The following EDC3 variants were observed in gnomAD, a reference collection of about 807,000 sequenced individuals.
The protein encoded by EDC3 is enhancer of mRNA decapping 3.
In EDC3, 20 loss-of-function variants were observed where a neutral mutation model predicts 41.8. The ratio of observed to expected loss-of-function variants is 0.48; its 90% CI spans 0.34 to 0.70. The LOEUF (loss-of-function observed/expected upper bound fraction) is 0.70. Among genes scored for constraint, EDC3 ranks in the 30% least tolerant of loss-of-function variants. The pLI is 0.01. For missense variants in EDC3, 444 were observed against 636.8 expected, an observed-to-expected ratio of 0.70 and a Z score of 3.26; for synonymous variants, 206 against 243.2, an observed-to-expected ratio of 0.85 and a Z score of 1.42.
At position 74,683,047 on chromosome 15, in the gene EDC3, C is replaced by G. The variant is rs1386348476; in HGVS notation, c.-18-7905G>C. Among the ~76,000 whole-genome samples, 4 of 151,976 alleles carry G rather than the reference C, an allele frequency of 2.6e-5. No homozygotes were observed. The East Asian group carries it at 7.7e-4, about 29-fold the overall frequency. On this transcript the variant is annotated intron_variant, in intron 1 of 6. Coordinates refer to ENST00000315127, the MANE Select transcript of EDC3 (RefSeq NM_025083.5). ...CAGAAAAAAAATAAAATAAAATACCCTGTACACAAGTGTTTATATCACATT... is the reference window on the plus strand; with the variant it reads ...CAGAAAAAAAATAAAATAAAATACCGTGTACACAAGTGTTTATATCACATT...
rs1288034505 is a variant in EDC3 at position 74,655,995 on chromosome 15, A to G, written c.558T>C (p.Asn186=). 6.2e-7 allele frequency: 1 copy of G among 1,613,870 alleles called. No individual in the cohort carries two copies. The highest frequency in any genetic ancestry group is 2.2e-5 in the East Asian group (1 of 44,882). ...KSGLKNGQMK[N]KDDECFGDDI... is the part of the protein sequence containing the mutation. ...CATCCCCGAAGCACTCGTCATCTTT[A>G]TTCTTCATCTGGCCATTCTTTAAAC... Residue 186 remains asparagine (N), a synonymous_variant, in exon 4 of 7, where the codon AAT becomes AAC. Coordinates refer to ENST00000315127, the MANE Select transcript of EDC3 (RefSeq NM_025083.5).
At chr15:74,660,928 G>A (rs192562283) in intron 3 of EDC3, among the ~76,000 whole-genome samples, 1 of 152,196 alleles carries the variant, frequency 6.6e-6, no homozygotes, top group Admixed American at 6.5e-5. Flanking sequence ...TCCATAACAA[G>A]AAGTCTATCC....
In EDC3 at chr15:74,671,379, T is replaced by TAAC; in HGVS notation, c.484+75_484+76insGTT. 1 of 1,456,454 alleles carries TAAC rather than the reference T, an allele frequency of 6.9e-7. No homozygotes were observed. Among genetic ancestry groups the TAAC allele is most frequent in the Non-Finnish European group, 9.3e-7 (1 of 1,071,736 alleles). 90.2% of individuals were successfully genotyped at this position (1,456,454 alleles called of 1,614,324 possible). A position where few individuals can be genotyped will look rare whatever the true frequency, so the allele number is the denominator to read the frequency against. ...TTATTGGAATAACAAAGGATTTGTTTAAAGAGCAGCAGTGCTTATGGCTTA... is the reference window on the plus strand; with the variant it reads ...TTATTGGAATAACAAAGGATTTGTTTAACAAAGAGCAGCAGTGCTTATGGCTTA... On this transcript the variant is annotated intron_variant, in intron 3 of 6. Coordinates refer to ENST00000315127, the MANE Select transcript of EDC3 (RefSeq NM_025083.5). The surrounding 1 kb of genome is among the most constrained non-coding windows in gnomAD (Gnocchi z 4.6).
intron 4 of EDC3, among the ~76,000 whole-genome samples, chr15:74,648,256 AT>A (rs1385760815): frequency 6.6e-6 from 1 of 152,210 alleles, no homozygotes; most frequent in East Asian, 1.9e-4. Context: ...TTGACTACCT[AT>A]TTTTGAGGAG....
intron 4 of EDC3, among the ~76,000 whole-genome samples, chr15:74,648,388 C>T (rs994641054): frequency 1.3e-5 from 2 of 152,176 alleles, no homozygotes; most frequent in Admixed American, 1.3e-4. Flanking sequence ...GTGAAAGAGA[C>T]AACTGCTAGC....
intron 1 of EDC3, among the ~76,000 whole-genome samples, chr15:74,685,490 TA>T (rs1480615413): frequency 6.6e-6 from 1 of 152,132 alleles, no homozygotes; most frequent in African/African-American, 2.4e-5. Context: ...GTTCAGTCAA[TA>T]AGAGTGCCTA....
intron 1 of EDC3, among the ~76,000 whole-genome samples, chr15:74,689,690 AATT>A (rs1191014307): frequency 6.6e-6 from 1 of 151,506 alleles, no homozygotes; most frequent in Non-Finnish European, 1.5e-5. Context: ...GCGCCCGGCT[AATT>A]TTTTGTATTT....
At chr15:74,638,139 T>G (rs1447270398) in intron 5 of EDC3, 1 of 152,188 alleles carries the variant, frequency 6.6e-6, no homozygotes, top group Admixed American at 6.6e-5. Context: ...CTTGGTTTCT[T>G]ACCTCTCCTG....
rs1253117871 is a variant in EDC3 at position 74,671,504 on chromosome 15, G to A, written c.435C>T (p.His145=). ...QQCSKSYVDR[H]MESLSQSKSF... ...TTTTGGACTGACTCAAGGATTCCAT[G>A]TGCCTGTCGACATAGCTCTTTGAGC... Residue 145 remains histidine, a synonymous_variant, in exon 3 of 7, where the codon CAC becomes CAT. Coordinates refer to ENST00000315127, the MANE Select transcript of EDC3 (RefSeq NM_025083.5). This position sits in a 1 kb window ranked among gnomAD's most constrained non-coding sequence, Gnocchi z 4.6. The A allele has an allele frequency of 6.2e-7, 1 of 1,614,194 alleles. No homozygotes were observed. Among genetic ancestry groups the A allele is most frequent in the Non-Finnish European group, 8.5e-7 (1 of 1,180,038 alleles).
intron 3 of EDC3, among the ~76,000 whole-genome samples, chr15:74,660,987 T>C (rs773545083): frequency 9.2e-5 from 14 of 152,266 alleles, no homozygotes; most frequent in Non-Finnish European, 1.6e-4. Context: ...AAAATATACA[T>C]TACATAAAAT....
intron 1 of EDC3, among the ~76,000 whole-genome samples, chr15:74,691,557 G>T (rs2063007709): frequency 6.6e-6 from 1 of 152,038 alleles, no homozygotes. Context: ...ATCAAGTCCT[G>T]GTCTTTACAC....
chr15:74,667,771 C>T (rs2141641334), intron 3 of EDC3, among the ~76,000 whole-genome samples: 1 of 152,096 alleles, frequency 6.6e-6, no homozygotes, highest in Admixed American at 6.6e-5. Flanking sequence ...AATAAATAAA[C>T]AAATGGGGGA....
intron 3 of EDC3, among the ~76,000 whole-genome samples, chr15:74,659,656 A>G (rs765556743): frequency 2.6e-5 from 4 of 151,716 alleles, no homozygotes; most frequent in Non-Finnish European, 5.9e-5. Flanking sequence ...AGATCACTTG[A>G]GCCCAGGAGT....
At chr15:74,647,849 C>G (rs1319914804) in intron 4 of EDC3, among the ~76,000 whole-genome samples, 1 of 152,212 alleles carries the variant, frequency 6.6e-6, no homozygotes, top group Non-Finnish European at 1.5e-5. Context: ...TGACACTTCG[C>G]AGAGGAGCAC....
At chr15:74,660,137 T>C (rs1242735862) in intron 3 of EDC3, among the ~76,000 whole-genome samples, 1 of 151,526 alleles carries the variant, frequency 6.6e-6, no homozygotes, top group Non-Finnish European at 1.5e-5. Flanking sequence ...GCCCAGGAGG[T>C]CATGGCTGCA....
intron 1 of EDC3, among the ~76,000 whole-genome samples, chr15:74,677,986 C>G (rs775862413): frequency 4.0e-5 from 6 of 150,938 alleles, no homozygotes; most frequent in Non-Finnish European, 8.8e-5. Flanking sequence ...GTGAAAGAAG[C>G]CAATGTGAAA....
chr15:74,669,386 C>T (rs2062713904), intron 3 of EDC3, among the ~76,000 whole-genome samples: 1 of 150,790 alleles, frequency 6.6e-6, no homozygotes, highest in African/African-American at 2.4e-5. Context: ...GCAGCAAGTG[C>T]CTGTAGTACC....
At chr15:74,641,032 C>T (rs890498902) in intron 4 of EDC3, 1 of 234,398 alleles carries the variant, frequency 4.3e-6, no homozygotes. Flanking sequence ...CACAAGCAGG[C>T]CCCTTGTCCT....
At chr15:74,652,597 T>C (rs570429162) in intron 4 of EDC3, among the ~76,000 whole-genome samples, 1 of 151,388 alleles carries the variant, frequency 6.6e-6, no homozygotes, top group African/African-American at 2.4e-5. Flanking sequence ...GTGTTTTTTT[T>C]TTGAGACAGG....
Sources: allele counts gnomAD v4.1 joint callset (sites outside exome capture counted in the v4.1 genomes callset), GRCh38; gene constraint gnomAD v4.1.1; non-coding constraint Gnocchi (gnomAD v3.1); transcripts MANE v1.5; gene names NCBI Gene and HGNC (gene_info 2026-07-23, HGNC 2026-07-21).